The following ZHX3 variants were observed in gnomAD, a reference collection of about 807,000 sequenced individuals.
The protein encoded by ZHX3 is zinc fingers and homeoboxes protein 3.
ZHX3 carries 20 observed loss-of-function variants against 64.5 expected under a neutral mutation model. That is an observed-to-expected ratio of 0.31 (90% confidence interval 0.22 to 0.45). The LOEUF is 0.45. Ranked by LOEUF, ZHX3 falls within the 20% of genes least tolerant of loss-of-function variation. ZHX3 has a pLI of 1.00. For missense variants in ZHX3, 1,041 were observed against 1,195.8 expected (o/e 0.87, Z 1.91); for synonymous variants, 423 against 461.6 (o/e 0.92, Z 1.07).
chr20:41,265,562 T>C (rs573813636), intron 2 of ZHX3, among the ~76,000 whole-genome samples: 22 of 152,258 alleles, frequency 1.4e-4, no homozygotes, highest in Middle Eastern at 3.4e-3. Context: ...ATAGTATTCC[T>C]GGTCCTCAAG....
At chr20:41,199,246 G>C (rs1271139130) in intron 3 of ZHX3, among the ~76,000 whole-genome samples, 1 of 152,058 alleles carries the variant, frequency 6.6e-6, no homozygotes, top group Non-Finnish European at 1.5e-5. Flanking sequence ...CTCAAGGATG[G>C]TGCCTGTCAA....
In ZHX3 at chr20:41,212,627, A is replaced by G. The variant is rs368319459; in HGVS notation, c.-150-7561T>C. ...AGCCTGACCAACATGGAGAAACCCCATCTCTACTAAAAATGCTAAATTAGC... is the reference window on the plus strand; with the variant it reads ...AGCCTGACCAACATGGAGAAACCCCGTCTCTACTAAAAATGCTAAATTAGC... On this transcript the variant is annotated intron_variant, in intron 2 of 3. Coordinates refer to ENST00000683867, the MANE Select transcript of ZHX3 (RefSeq NM_001384317.1). The surrounding 1 kb of genome is among the most constrained non-coding windows in gnomAD (Gnocchi z 4.3). Among the ~76,000 whole-genome samples the G allele has an allele frequency of 5.1e-4, 77 of 152,160 alleles. 1 individual carries two copies. Among genetic ancestry groups the G allele is most frequent in the East Asian group, 4.8e-3 (25 of 5,172 alleles).
At chr20:41,264,801 A>C (rs1001923420) in intron 2 of ZHX3, among the ~76,000 whole-genome samples, 2 of 152,276 alleles carry the variant, frequency 1.3e-5, no homozygotes, top group South Asian at 2.1e-4. Context: ...AAAGAATAGT[A>C]AATAGAACCT....
chr20:41,273,620 C>T (rs1173440365), intron 1 of ZHX3, among the ~76,000 whole-genome samples: 1 of 152,124 alleles, frequency 6.6e-6, no homozygotes, highest in Non-Finnish European at 1.5e-5. Context: ...TGTCCTTTCC[C>T]CAGTGAATCA....
chr20:41,289,038 G>A (rs1375723796), intron 1 of ZHX3, among the ~76,000 whole-genome samples: 4 of 152,046 alleles, frequency 2.6e-5, no homozygotes, highest in Non-Finnish European at 2.9e-5. Flanking sequence ...CACTCAGTCC[G>A]GAATGCAGTG....
chr20:41,314,986 T>C (rs1490917612), intron 1 of ZHX3, among the ~76,000 whole-genome samples: 2 of 152,062 alleles, frequency 1.3e-5, no homozygotes, highest in Admixed American at 1.3e-4. Flanking sequence ...AACAAATAAA[T>C]ATGTATTACC....
intron 2 of ZHX3, among the ~76,000 whole-genome samples, chr20:41,257,669 T>C (rs2146543574): frequency 6.6e-6 from 1 of 151,174 alleles, no homozygotes; most frequent in East Asian, 1.9e-4. Flanking sequence ...TGCAGTGCAG[T>C]GGCGTGATCT....
Position 41,202,080 on chromosome 20 carries a change from C to A in ZHX3, c.2837G>T (p.Ser946Ile), listed in dbSNP as rs769247244. 6 of 1,605,542 alleles carry A rather than the reference C, an allele frequency of 3.7e-6. No homozygotes were observed. In the Admixed American group the frequency reaches 6.7e-5, roughly 18 times the overall value. ...ACCGAGCTGACGTCCAGCCTGGGGA[C>A]TCGATGTGTCAAAGGGCTCTGAGCT... ...EASSEPFDTS[S>I]PQAGRQLETD is the part of the protein sequence containing the mutation. The change falls in exon 3 of 4, where the codon AGT (serine) becomes ATT (isoleucine). Residue 946 changes from serine to isoleucine, a missense_variant. Transcript: ENST00000683867. This position sits in a 1 kb window ranked among gnomAD's most constrained non-coding sequence, Gnocchi z 7.0.
At chr20:41,187,323 CAAAAAAA>C (rs57588943) in intron 3 of ZHX3, among the ~76,000 whole-genome samples, 1 of 77,470 alleles carries the variant, frequency 1.3e-5, no homozygotes, top group South Asian at 4.9e-4. Context: ...GAACCTGTCT[CAAAAAAA>C]AAAAAAAAAA....
rs1291338061 is a variant in ZHX3 at position 41,181,249 on chromosome 20, A to T, written c.*3942T>A. On this transcript the variant is annotated 3_prime_UTR_variant, in exon 4 of 4. Transcript: ENST00000683867. ...TGACTATGTGGGCCTTCATGTGTCT[A>T]GAGGATTTTTCTTCTCCAGCATATA... 2.6e-5 allele frequency: 4 copies of T among 152,168 alleles called. No individual in the cohort carries two copies. The highest frequency in any genetic ancestry group is 9.7e-5 in the African/African-American group (4 of 41,428). The allele number at this position is 152,168 out of a possible 1,614,324, so 9.4% of individuals were successfully genotyped here. A position where few individuals can be genotyped will look rare whatever the true frequency, so the allele number is the denominator to read the frequency against.
intron 2 of ZHX3, among the ~76,000 whole-genome samples, 196 bp from the exon 3 acceptor site, chr20:41,205,262 G>C (rs1304139035): frequency 6.6e-6 from 1 of 152,114 alleles, no homozygotes; most frequent in Non-Finnish European, 1.5e-5. Flanking sequence ...ATGACCTGGG[G>C]ATGGTCCAAT....
At chr20:41,231,251 A>G (rs2040584655) in intron 2 of ZHX3, among the ~76,000 whole-genome samples, 1 of 152,206 alleles carries the variant, frequency 6.6e-6, no homozygotes. Flanking sequence ...TAAATGACAT[A>G]TGCAGCTCAC....
At chr20:41,256,631 T>C (rs1387104908) in intron 2 of ZHX3, among the ~76,000 whole-genome samples, 2 of 148,932 alleles carry the variant, frequency 1.3e-5, no homozygotes, top group Non-Finnish European at 1.5e-5. Context: ...GTTTTCAACC[T>C]GTGTATCTAG....
intron 2 of ZHX3, among the ~76,000 whole-genome samples, chr20:41,246,056 G>C (rs2041670694): frequency 6.6e-6 from 1 of 152,188 alleles, no homozygotes; most frequent in Non-Finnish European, 1.5e-5. Context: ...TTTTGATATA[G>C]AGTAGGCCAG....
At chr20:41,262,076 T>C (rs1232280919) in intron 2 of ZHX3, among the ~76,000 whole-genome samples, 6 of 152,158 alleles carry the variant, frequency 3.9e-5, no homozygotes, top group Non-Finnish European at 8.8e-5. Flanking sequence ...ATGGCAGGCA[T>C]TGGTAATTTT....
At chr20:41,314,780 A>T (rs942571399) in intron 1 of ZHX3, among the ~76,000 whole-genome samples, 4 of 152,270 alleles carry the variant, frequency 2.6e-5, no homozygotes, top group African/African-American at 9.6e-5. Flanking sequence ...CTCATGACAC[A>T]GCTACCTAGA....
At chr20:41,216,509 C>T (rs1349777257) in intron 2 of ZHX3, among the ~76,000 whole-genome samples, 1 of 152,154 alleles carries the variant, frequency 6.6e-6, no homozygotes, top group African/African-American at 2.4e-5. Context: ...GTTTTCGTCT[C>T]ACAATTATTT....
intron 2 of ZHX3, among the ~76,000 whole-genome samples, chr20:41,245,343 C>A (rs1209400803): frequency 2.6e-5 from 4 of 152,242 alleles, no homozygotes; most frequent in Non-Finnish European, 5.9e-5. Flanking sequence ...TCAGCACCCA[C>A]AGCCTCTTGC....
intron 1 of ZHX3, among the ~76,000 whole-genome samples, chr20:41,283,963 G>T (rs768889999): frequency 5.3e-5 from 8 of 152,082 alleles, no homozygotes; most frequent in Non-Finnish European, 7.4e-5. Flanking sequence ...TGTATCTTTT[G>T]GAGGGTACAA....
Sources: gnomAD v4.1 joint callset for allele counts (sites outside exome capture counted in the v4.1 genomes callset) on GRCh38, gnomAD v4.1.1 for gene constraint, Gnocchi (gnomAD v3.1) non-coding constraint, MANE v1.5 for transcripts, NCBI Gene and HGNC (gene_info 2026-07-23, HGNC 2026-07-21) for gene names.